The following RALYL variants were observed in gnomAD, a reference collection of about 807,000 sequenced individuals.
RALYL encodes the protein RNA-binding Raly-like protein.
A neutral mutation model predicts 35.1 loss-of-function variants in RALYL; 29 were observed. The observed-to-expected ratio is 0.83, with a 90% confidence interval of 0.61 to 1.13. The LOEUF is 1.13. Ranked by LOEUF, RALYL falls within the 50% of genes most tolerant of loss-of-function variation. RALYL has a pLI of 0.00. For synonymous variants in RALYL, 120 were observed against 127.6 expected (o/e 0.94, Z 0.40); for missense variants, 359 against 360.4 (o/e 1.00, Z 0.03).
chr8:84,505,211 C>A (rs916054904), intron 1 of RALYL, among the ~76,000 whole-genome samples: 2 of 152,146 alleles, frequency 1.3e-5, no homozygotes, highest in South Asian at 2.1e-4. Context: ...AGTTCATTTT[C>A]TTTCTCATAT....
intron 1 of RALYL, among the ~76,000 whole-genome samples, chr8:84,428,143 CGT>C (rs1423920418): frequency 2.7e-5 from 4 of 150,594 alleles, no homozygotes; most frequent in Non-Finnish European, 4.4e-5. Context: ...CACACACACA[CGT>C]GGTTCAATAT....
chr8:84,818,590 A>G (rs1340460058), intron 4 of RALYL, among the ~76,000 whole-genome samples: 2 of 152,192 alleles, frequency 1.3e-5, no homozygotes, highest in Admixed American at 6.5e-5. Context: ...AGATTGGCAA[A>G]TTCAGGGAGA....
chr8:84,191,776 GA>G (rs1175596097), intron 1 of RALYL, among the ~76,000 whole-genome samples: 3 of 151,980 alleles, frequency 2.0e-5, no homozygotes, highest in Non-Finnish European at 2.9e-5. Flanking sequence ...ATATAAAAAA[GA>G]AAAATGACAA....
At chr8:84,757,509 G>A (rs1811714505) in intron 2 of RALYL, among the ~76,000 whole-genome samples, 1 of 152,114 alleles carries the variant, frequency 6.6e-6, no homozygotes, top group African/African-American at 2.4e-5. Flanking sequence ...TATTTAAGCT[G>A]AATTTGGGGA....
intron 1 of RALYL, among the ~76,000 whole-genome samples, chr8:84,338,933 T>C (rs1183816001): frequency 6.6e-6 from 1 of 152,190 alleles, no homozygotes. Context: ...AACAAGTGTA[T>C]AGAAATTTTA....
chr8:84,394,876 G>T (rs1281944415), intron 1 of RALYL, among the ~76,000 whole-genome samples: 3 of 151,798 alleles, frequency 2.0e-5, no homozygotes, highest in Non-Finnish European at 4.4e-5. Flanking sequence ...TTTCTCAGGG[G>T]TGGCATTTTC....
chr8:84,762,632 A>G (rs1215455458), intron 2 of RALYL, among the ~76,000 whole-genome samples: 2 of 152,188 alleles, frequency 1.3e-5, no homozygotes, highest in Admixed American at 1.3e-4. Flanking sequence ...TTGGAGTGAC[A>G]GCTGAACTCA....
intron 2 of RALYL, among the ~76,000 whole-genome samples, chr8:84,656,550 C>T (rs1829995098): frequency 6.6e-6 from 1 of 151,964 alleles, no homozygotes; most frequent in African/African-American, 2.4e-5. Flanking sequence ...TTTCAGAATC[C>T]AGGTTCATGA....
At position 84,477,067 on chromosome 8, in the gene RALYL, C is replaced by T. The variant is rs555620957; in HGVS notation, c.-23-52232C>T. On this transcript the variant is annotated intron_variant, in intron 1 of 8. Coordinates refer to ENST00000521268, the MANE Select transcript of RALYL (RefSeq NM_173848.7). ...ACATGGTGATAAATTTGAAATCATG[C>T]TATGAGGCTTTCTTTTCTTTGGTGT... 2.6e-5 allele frequency among the ~76,000 whole-genome samples: 4 copies of T among 152,236 alleles called. No homozygotes were observed. The South Asian group carries it at 8.3e-4, about 32-fold the overall frequency.
chr8:84,372,895 T>G (rs796087739), intron 1 of RALYL, among the ~76,000 whole-genome samples: 15 of 125,986 alleles, frequency 1.2e-4, no homozygotes, highest in East Asian at 2.7e-4. Flanking sequence ...TGTTTTTTTT[T>G]TTTTTTTTTT....
At chr8:84,197,601 T>C (rs948493146) in intron 1 of RALYL, among the ~76,000 whole-genome samples, 3 of 152,256 alleles carry the variant, frequency 2.0e-5, no homozygotes, top group East Asian at 1.9e-4. Flanking sequence ...TCTCCATCCA[T>C]TGAGCTCCAG....
At chr8:84,389,098 G>A (rs542747130) in intron 1 of RALYL, among the ~76,000 whole-genome samples, 3 of 152,180 alleles carry the variant, frequency 2.0e-5, no homozygotes, top group South Asian at 4.1e-4. Flanking sequence ...ATTAAATAGG[G>A]AATCCTTTCC....
chr8:84,372,887 T>TTTTTTTTTTTTGTTTTGTTTTG (rs1856090836), intron 1 of RALYL, among the ~76,000 whole-genome samples: 1 of 64,582 alleles, frequency 1.5e-5, no homozygotes, highest in Non-Finnish European at 2.9e-5. Flanking sequence ...CCAGCATCTG[T>TTTTTTTTTTTTGTTTTGTTTTG]TTTTTTTTTT....
intron 2 of RALYL, among the ~76,000 whole-genome samples, chr8:84,754,669 G>A (rs920309754): frequency 2.0e-5 from 3 of 151,452 alleles, no homozygotes; most frequent in Admixed American, 6.6e-5. Context: ...GAAAGGAGAG[G>A]ACAGTTCACA....
intron 2 of RALYL, among the ~76,000 whole-genome samples, chr8:84,611,370 C>T (rs1818275240): frequency 6.6e-6 from 1 of 152,062 alleles, no homozygotes; most frequent in Admixed American, 6.6e-5. Context: ...AGCATTATAA[C>T]CATCCCATTT....
intron 8 of RALYL, among the ~76,000 whole-genome samples, chr8:84,895,059 C>T (rs1844493637): frequency 6.6e-6 from 1 of 152,168 alleles, no homozygotes; most frequent in Non-Finnish European, 1.5e-5. Context: ...CTAAAAGGCA[C>T]ATGCTTGGCA....
At chr8:84,276,923 T>C (rs1835499099) in intron 1 of RALYL, among the ~76,000 whole-genome samples, 1 of 152,208 alleles carries the variant, frequency 6.6e-6, no homozygotes, top group Non-Finnish European at 1.5e-5. Flanking sequence ...CATTCTGTCT[T>C]CATGTCAGGG....
chr8:84,387,096 C>T (rs1859387626), intron 1 of RALYL, among the ~76,000 whole-genome samples: 1 of 151,726 alleles, frequency 6.6e-6, no homozygotes, highest in African/African-American at 2.4e-5. Flanking sequence ...TAATAGCTAC[C>T]TTGTAGATTT....
chr8:84,880,726 C>T (rs749135583), intron 7 of RALYL, among the ~76,000 whole-genome samples: 5 of 151,922 alleles, frequency 3.3e-5, no homozygotes, highest in Non-Finnish European at 7.4e-5. Context: ...AGTGATTTTA[C>T]CAAGTGATAC....
Sources: allele counts gnomAD v4.1 joint callset (sites outside exome capture counted in the v4.1 genomes callset), GRCh38; gene constraint gnomAD v4.1.1; transcripts MANE v1.5; gene names NCBI Gene and HGNC (gene_info 2026-07-23, HGNC 2026-07-21).